SLC24A2: variants seen among roughly 807,000 people sequenced by gnomAD.
SLC24A2 encodes the protein sodium/potassium/calcium exchanger 2.
SLC24A2 carries 36 observed loss-of-function variants against 62.0 expected under a neutral mutation model. That is an observed-to-expected ratio of 0.58 (90% CI 0.44 to 0.77). SLC24A2 has a LOEUF of 0.77. Ranked by LOEUF, SLC24A2 falls within the 30% of genes least tolerant of loss-of-function variation. The pLI is 0.00. For synonymous variants in SLC24A2, 358 were observed against 294.0 expected, an observed-to-expected ratio of 1.22 and a Z score of -2.23; for missense variants, 846 against 817.9, an observed-to-expected ratio of 1.03 and a Z score of -0.42.
rs532130389 is a variant in SLC24A2 at position 19,546,865 on chromosome 9, A to G, written c.1479+3272T>C. 1.2e-3 allele frequency among the ~76,000 whole-genome samples: 182 copies of G among 152,298 alleles called. 1 individual carries two copies. The highest frequency in any genetic ancestry group is 4.1e-3 in the African/African-American group (171 of 41,562). ...CTGTGGGTTGCAAAGACTGTGGGAA[A>G]AGCACAGTGTCTGGGCCAGAGTGCA... On this transcript the variant is annotated intron_variant, in intron 8 of 10. Coordinates refer to ENST00000341998, the MANE Select transcript of SLC24A2 (RefSeq NM_020344.4).
At chr9:20,200,374 A>G in the SLC24A2 span, among the ~76,000 whole-genome samples, 3 of 152,212 alleles carry the variant, frequency 2.0e-5, no homozygotes, top group Admixed American at 2.0e-4. Flanking sequence ...GGCATGGACC[A>G]AGAAACCATT....
At chr9:20,043,523 A>T in the SLC24A2 span, among the ~76,000 whole-genome samples, 2 of 152,222 alleles carry the variant, frequency 1.3e-5, no homozygotes, top group African/African-American at 4.8e-5. Flanking sequence ...TGTGATTCAT[A>T]CCAGGAGATC....
chr9:19,981,404 A>G, the SLC24A2 span, among the ~76,000 whole-genome samples: 1 of 152,204 alleles, frequency 6.6e-6, no homozygotes, highest in Non-Finnish European at 1.5e-5. Flanking sequence ...TTATTTTGTA[A>G]AAGAAACAAA....
chr9:20,033,454 T>A, the SLC24A2 span, among the ~76,000 whole-genome samples: 28 of 145,798 alleles, frequency 1.9e-4, no homozygotes, highest in African/African-American at 6.3e-4. Context: ...ATACTGGTCT[T>A]AAGAAATGTT....
At chr9:19,588,892 C>T (rs531165122) in intron 5 of SLC24A2, among the ~76,000 whole-genome samples, 6 of 152,250 alleles carry the variant, frequency 3.9e-5, no homozygotes, top group East Asian at 1.9e-4. Flanking sequence ...ACCTGGGAGG[C>T]GGAGGTGGCA....
intron 7 of SLC24A2, among the ~76,000 whole-genome samples, chr9:19,554,318 C>CTTTTT (rs1834979186): frequency 2.6e-5 from 4 of 152,272 alleles, no homozygotes; most frequent in African/African-American, 7.2e-5. Context: ...AAATAAAAAG[C>CTTTTT]AATACAGTGT....
At chr9:20,286,891 C>G in the SLC24A2 span, among the ~76,000 whole-genome samples, 1 of 152,136 alleles carries the variant, frequency 6.6e-6, no homozygotes, top group Non-Finnish European at 1.5e-5. Context: ...ACTCTTACCC[C>G]AACACTCATC....
chr9:19,852,466 G>A, the SLC24A2 span, among the ~76,000 whole-genome samples: 1 of 152,108 alleles, frequency 6.6e-6, no homozygotes, highest in African/African-American at 2.4e-5. Context: ...TTATATTTAT[G>A]TCTTTAATCC....
At chr9:19,775,835 G>A (rs1452917942) in intron 2 of SLC24A2, among the ~76,000 whole-genome samples, 1 of 152,076 alleles carries the variant, frequency 6.6e-6, no homozygotes, top group Non-Finnish European at 1.5e-5. Context: ...TCTTCACCTT[G>A]ATCAAACAGA....
chr9:20,262,892 C>CTT, the SLC24A2 span, among the ~76,000 whole-genome samples: 59 of 151,964 alleles, frequency 3.9e-4, no homozygotes, highest in African/African-American at 1.1e-3. Context: ...GGTTTTGAAT[C>CTT]TTTTTTTTCC....
chr9:19,772,538 C>A (rs1233301779), intron 2 of SLC24A2, among the ~76,000 whole-genome samples: 3 of 152,052 alleles, frequency 2.0e-5, no homozygotes, highest in African/African-American at 7.2e-5. Flanking sequence ...GGCAAATAGC[C>A]CAATTTAAAA....
intron 10 of SLC24A2, among the ~76,000 whole-genome samples, chr9:19,518,927 G>C (rs1440727592): frequency 1.3e-5 from 2 of 152,084 alleles, no homozygotes; most frequent in Non-Finnish European, 2.9e-5. Context: ...TACCCATTAA[G>C]ATGTTCAAAA....
At chr9:19,749,466 G>C (rs1174368548) in intron 2 of SLC24A2, among the ~76,000 whole-genome samples, 1 of 152,090 alleles carries the variant, frequency 6.6e-6, no homozygotes, top group South Asian at 2.1e-4. Flanking sequence ...GAGAACCAGA[G>C]CTCAGCCACA....
chr9:19,665,565 T>C (rs1225980658), intron 2 of SLC24A2, among the ~76,000 whole-genome samples: 1 of 152,152 alleles, frequency 6.6e-6, no homozygotes, highest in Non-Finnish European at 1.5e-5. Flanking sequence ...TTGCCTGTAA[T>C]GCAACACACT....
the SLC24A2 span, among the ~76,000 whole-genome samples, chr9:20,027,449 C>A: frequency 1.3e-5 from 2 of 152,092 alleles, no homozygotes; most frequent in Non-Finnish European, 2.9e-5. Context: ...CCTATATACA[C>A]AATGAAATAC....
the SLC24A2 span, among the ~76,000 whole-genome samples, chr9:20,015,736 A>G: frequency 6.6e-6 from 1 of 152,230 alleles, no homozygotes; most frequent in South Asian, 2.1e-4. Context: ...GGTGGTGGAT[A>G]ATGATAGCAG....
chr9:20,105,789 C>G, the SLC24A2 span, among the ~76,000 whole-genome samples: 2 of 151,920 alleles, frequency 1.3e-5, no homozygotes, highest in Non-Finnish European at 2.9e-5. Flanking sequence ...ATTAAAAGAA[C>G]TAAAAAGCAA....
chr9:19,985,947 C>G, the SLC24A2 span, among the ~76,000 whole-genome samples: 1 of 151,998 alleles, frequency 6.6e-6, no homozygotes, highest in Non-Finnish European at 1.5e-5. Flanking sequence ...AAATTAAAAA[C>G]TTTTTTGCAT....
At position 19,715,797 on chromosome 9, in the gene SLC24A2, C is replaced by A. The variant is rs1299397245; in HGVS notation, c.930+70140G>T. Among the ~76,000 whole-genome samples the A allele has an allele frequency of 2.6e-5, 4 of 152,194 alleles. No individual in the cohort carries two copies. In the East Asian group the frequency reaches 5.8e-4, roughly 22 times the overall value. ...ATTATGTACAAAGCCTAAAACCAGGCAAAGTACCTAGCAGAAAATACCCAT... is the reference window on the plus strand; with the variant it reads ...ATTATGTACAAAGCCTAAAACCAGGAAAAGTACCTAGCAGAAAATACCCAT... On this transcript the variant is annotated intron_variant, in intron 2 of 10. Coordinates refer to ENST00000341998, the MANE Select transcript of SLC24A2 (RefSeq NM_020344.4).
Sources: allele counts gnomAD v4.1 joint callset (sites outside exome capture counted in the v4.1 genomes callset), GRCh38; gene constraint gnomAD v4.1.1; transcripts MANE v1.5; gene names NCBI Gene and HGNC (gene_info 2026-07-23, HGNC 2026-07-21).